Variants in NUDCD1 observed in about 807,000 individuals in gnomAD.
NUDCD1 encodes NudC domain containing 1, also known as nudC domain-containing protein 1.
Under a neutral mutation model 67.8 loss-of-function variants are expected in NUDCD1, and 60 were observed. That is an observed-to-expected ratio of 0.88 (90% confidence interval 0.72 to 1.10). The LOEUF is 1.10. Among genes scored for constraint, NUDCD1 ranks in the 50% least tolerant of loss-of-function variants. NUDCD1 has a pLI of 0.00. For missense variants in NUDCD1, 643 were observed against 695.0 expected (o/e 0.93, Z 0.84); for synonymous variants, 244 against 230.8 (o/e 1.06, Z -0.52).
At chr8:109,290,568 A>AT (rs888260059) in intron 4 of NUDCD1, among the ~76,000 whole-genome samples, 1 of 152,026 alleles carries the variant, frequency 6.6e-6, no homozygotes, top group Non-Finnish European at 1.5e-5. Flanking sequence ...AGCAGAAATG[A>AT]TTTTTTTTAC....
intron 8 of NUDCD1, among the ~76,000 whole-genome samples, chr8:109,261,822 A>C (rs1813868978): frequency 6.6e-6 from 1 of 152,174 alleles, no homozygotes; most frequent in South Asian, 2.1e-4. Flanking sequence ...TTATTTTTCT[A>C]AATGTAAATT....
chr8:109,270,985 T>C lies in NUDCD1; in HGVS notation c.1299+20A>G. On this transcript the variant is annotated intron_variant, in intron 8 of 9. Transcript: ENST00000239690. ...GTAACTACTGACAAAATTTTAGAAA[T>C]ATTAATATCAGTAACTTACCACATG... is the stretch of plus-strand genomic sequence containing the variant. 1 of 1,512,688 alleles carries C rather than the reference T, an allele frequency of 6.6e-7. No homozygotes were observed. 93.7% of individuals were successfully genotyped at this position (1,512,688 alleles called of 1,614,324 possible). A position where few individuals can be genotyped will look rare whatever the true frequency, so the allele number is the denominator to read the frequency against.
At chr8:109,313,279 C>T (rs1815300177) in intron 2 of NUDCD1, among the ~76,000 whole-genome samples, 1 of 152,092 alleles carries the variant, frequency 6.6e-6, no homozygotes, top group African/African-American at 2.4e-5. Context: ...GGAGCATCCA[C>T]CCTATAGAAT....
intron 8 of NUDCD1, among the ~76,000 whole-genome samples, chr8:109,262,602 T>C (rs1813888874): frequency 6.6e-6 from 1 of 152,148 alleles, no homozygotes; most frequent in African/African-American, 2.4e-5. Context: ...TATTCAGAAT[T>C]GGGTATTTGG....
In NUDCD1 at chr8:109,277,114, CAAAT is replaced by C. The variant is rs984073236; in HGVS notation, c.1029-1622_1029-1619del. Among the ~76,000 whole-genome samples, 12 of 151,976 alleles carry C rather than the reference CAAAT, an allele frequency of 7.9e-5. No individual in the cohort carries two copies. The East Asian group carries it at 2.1e-3, about 27-fold the overall frequency. On this transcript the variant is annotated intron_variant, in intron 6 of 9. Transcript: ENST00000239690. The stretch of plus-strand genomic sequence containing the variant: ...GTTTTAACTCATTGGTTACAACAAC[CAAAT>C]AAAGTACTGTAAATATTATTATCAT...
intron 4 of NUDCD1, among the ~76,000 whole-genome samples, chr8:109,290,304 C>T (rs1345736875): frequency 6.6e-6 from 1 of 152,088 alleles, no homozygotes; most frequent in African/African-American, 2.4e-5. Context: ...ACATATAAAA[C>T]ATGTCCATCT....
intron 2 of NUDCD1, among the ~76,000 whole-genome samples, chr8:109,304,380 C>T (rs1439705517): frequency 5.3e-5 from 8 of 152,150 alleles, no homozygotes; most frequent in Non-Finnish European, 1.2e-4. Context: ...ACTCTGATCA[C>T]ACTTGGTTTA....
chr8:109,270,298 G>C (rs1814119360), intron 8 of NUDCD1, among the ~76,000 whole-genome samples: 1 of 148,896 alleles, frequency 6.7e-6, no homozygotes, highest in Non-Finnish European at 1.5e-5. Flanking sequence ...CTTCACAAAA[G>C]AAATAGTTAT....
chr8:109,307,784 T>A (rs1487377818), intron 2 of NUDCD1, among the ~76,000 whole-genome samples: 1 of 152,172 alleles, frequency 6.6e-6, no homozygotes, highest in African/African-American at 2.4e-5. Context: ...GAAAGAGACA[T>A]TTCATGCAAA....
rs1563665969 is a variant in NUDCD1 at position 109,270,093 on chromosome 8, T to TGGGGGG, written c.1299+911_1299+912insCCCCCC. On this transcript the variant is annotated intron_variant, in intron 8 of 9. Coordinates refer to ENST00000239690, the MANE Select transcript of NUDCD1 (RefSeq NM_032869.4). Reference sequence around the variant, plus strand: ...GGGGGGGGGGGGGGGTGCCTTAAGGTGGGGTGTGAAATATATGCATATATG... The same window carrying TGGGGGG: ...GGGGGGGGGGGGGGGTGCCTTAAGGTGGGGGGGGGGTGTGAAATATATGCATATATG... Among the ~76,000 whole-genome samples the TGGGGGG allele has an allele frequency of 3.2e-3, 21 of 6,538 alleles. 1 individual carries two copies. The highest frequency in any genetic ancestry group is 7.8e-3 in the South Asian group (2 of 258). The allele number at this position is 6,538 out of a possible 152,430, so 4.3% of individuals were successfully genotyped here. A position where few individuals can be genotyped will look rare whatever the true frequency, so the allele number is the denominator to read the frequency against.
chr8:109,248,953 A>G (rs1316789580), intron 8 of NUDCD1, among the ~76,000 whole-genome samples: 1 of 152,114 alleles, frequency 6.6e-6, no homozygotes, highest in East Asian at 1.9e-4. Flanking sequence ...TGCAAATGGC[A>G]TCTTCTCCTC....
intron 8 of NUDCD1, among the ~76,000 whole-genome samples, chr8:109,252,960 T>C (rs748881044): frequency 1.3e-5 from 2 of 152,224 alleles, no homozygotes; most frequent in African/African-American, 4.8e-5. Flanking sequence ...TTTCAACTTA[T>C]AATCAACAGA....
At chr8:109,318,495 TA>T in intron 2 of NUDCD1, among the ~76,000 whole-genome samples, 1 of 152,294 alleles carries the variant, frequency 6.6e-6, no homozygotes, top group Admixed American at 6.5e-5. Flanking sequence ...TAGCCACTCA[TA>T]AAAATGCATG....
intron 6 of NUDCD1, among the ~76,000 whole-genome samples, chr8:109,276,077 T>C (rs552207705): frequency 6.6e-6 from 1 of 152,178 alleles, no homozygotes; most frequent in African/African-American, 2.4e-5. Context: ...ACTTTGGTAA[T>C]ACAGGGAAAA....
At chr8:109,330,781 G>A (rs1304497368) in intron 1 of NUDCD1, among the ~76,000 whole-genome samples, 2 of 152,158 alleles carry the variant, frequency 1.3e-5, no homozygotes, top group Non-Finnish European at 2.9e-5. Flanking sequence ...ACAAACCAAC[G>A]AAGGAACAGA....
Position 109,275,510 on chromosome 8 carries a change from T to C in NUDCD1, c.1029-14A>G. On this transcript the variant is annotated splice_polypyrimidine_tract_variant and intron_variant, in intron 6 of 9. Transcript: ENST00000239690. ...GAAATCTCCAAGCTAGAAGTTTAAA[T>C]GGGAAAAGTAATGTTACATTAAGCA... 5.6e-6 allele frequency: 9 copies of C among 1,602,124 alleles called. No homozygotes were observed. Among genetic ancestry groups the C allele is most frequent in the Non-Finnish European group, 7.7e-6 (9 of 1,173,036 alleles).
chr8:109,307,379 G>T (rs1254967949), intron 2 of NUDCD1, among the ~76,000 whole-genome samples: 1 of 152,184 alleles, frequency 6.6e-6, no homozygotes, highest in South Asian at 2.1e-4. Flanking sequence ...GACTCAGTCC[G>T]CCTGCACCCA....
intron 3 of NUDCD1, among the ~76,000 whole-genome samples, chr8:109,294,189 C>T: frequency 7.5e-6 from 1 of 133,402 alleles, no homozygotes; most frequent in South Asian, 2.7e-4. Context: ...AAGATATGGA[C>T]AGTTGAGAAA....
chr8:109,320,983 AAAAG>A (rs1482657585), intron 2 of NUDCD1, among the ~76,000 whole-genome samples: 1 of 152,262 alleles, frequency 6.6e-6, no homozygotes, highest in African/African-American at 2.4e-5. Context: ...TAGGATAGAT[AAAAG>A]ATGGGATCAA....
Sources: allele counts gnomAD v4.1 joint callset (sites outside exome capture counted in the v4.1 genomes callset), GRCh38; gene constraint gnomAD v4.1.1; transcripts MANE v1.5; gene names NCBI Gene and HGNC (gene_info 2026-07-23, HGNC 2026-07-21).